Variants in SPOCK1 observed in about 807,000 individuals in gnomAD.
SPOCK1 encodes the protein testican-1.
In SPOCK1, 23 loss-of-function variants were observed where a neutral mutation model predicts 55.3. The ratio of observed to expected loss-of-function variants is 0.42; its 90% CI spans 0.30 to 0.59. SPOCK1 has a LOEUF of 0.59. Among genes scored for constraint, SPOCK1 ranks in the 20% least tolerant of loss-of-function variants. The pLI is 0.22. For synonymous variants in SPOCK1, 226 were observed against 221.0 expected, an observed-to-expected ratio of 1.02 and a Z score of -0.20; for missense variants, 499 against 552.5, an observed-to-expected ratio of 0.90 and a Z score of 0.97.
intron 3 of SPOCK1, among the ~76,000 whole-genome samples, chr5:137,184,995 C>T (rs1041850753): frequency 7.9e-5 from 12 of 152,220 alleles, no homozygotes; most frequent in Admixed American, 3.3e-4. Context: ...CTGTGCAGAA[C>T]TTAACTACGC....
At chr5:137,249,468 C>T (rs555820429) in intron 3 of SPOCK1, among the ~76,000 whole-genome samples, 1 of 152,152 alleles carries the variant, frequency 6.6e-6, no homozygotes, top group South Asian at 2.1e-4. Flanking sequence ...AGATGTATTA[C>T]ATGAAAAGGC....
intron 6 of SPOCK1, among the ~76,000 whole-genome samples, chr5:136,995,695 T>C (rs1377878679): frequency 6.6e-6 from 1 of 152,172 alleles, no homozygotes; most frequent in Non-Finnish European, 1.5e-5. Context: ...GTCAGTCGTG[T>C]TTAACTAAAC....
intron 6 of SPOCK1, among the ~76,000 whole-genome samples, chr5:137,053,444 A>G (rs549742197): frequency 1.3e-5 from 2 of 152,220 alleles, no homozygotes; most frequent in South Asian, 4.2e-4. Flanking sequence ...CCTTGCACCA[A>G]TATTGCCTGT....
chr5:137,243,812 C>G (rs1205351485), intron 3 of SPOCK1, among the ~76,000 whole-genome samples: 1 of 152,126 alleles, frequency 6.6e-6, no homozygotes, highest in Admixed American at 6.5e-5. Flanking sequence ...ACTAATGATT[C>G]CATAACGACT....
chr5:136,977,408 T>C lies in SPOCK1; in HGVS notation c.*1246A>G, dbSNP rs181424060. The C allele has an allele frequency of 4.0e-4, 63 of 159,412 alleles. No individual in the cohort carries two copies. The highest frequency in any genetic ancestry group is 1.5e-3 in the African/African-American group (63 of 41,820). 9.9% of individuals were successfully genotyped at this position (159,412 alleles called of 1,614,324 possible). On this transcript the variant is annotated 3_prime_UTR_variant, in exon 11 of 11. Transcript: ENST00000394945. Reference sequence around the variant, plus strand: ...TTACGATGTTCTTTGTAGGCCTCCATTTGGGATTGAGTGGTTAAAAAAAAA... The same window carrying C: ...TTACGATGTTCTTTGTAGGCCTCCACTTGGGATTGAGTGGTTAAAAAAAAA...
chr5:137,462,473 C>G (rs923650939), intron 2 of SPOCK1, among the ~76,000 whole-genome samples: 4 of 152,184 alleles, frequency 2.6e-5, no homozygotes, highest in Non-Finnish European at 5.9e-5. Context: ...GCAGCTGGAT[C>G]GTGCACTGGC....
intron 2 of SPOCK1, among the ~76,000 whole-genome samples, chr5:137,390,955 AG>A (rs1326857243): frequency 6.6e-6 from 1 of 152,196 alleles, no homozygotes; most frequent in Non-Finnish European, 1.5e-5. Flanking sequence ...TTTGTTACAT[AG>A]GTATACATGT....
intron 2 of SPOCK1, among the ~76,000 whole-genome samples, chr5:137,398,478 T>C (rs1219379908): frequency 1.3e-5 from 2 of 152,276 alleles, no homozygotes; most frequent in South Asian, 4.1e-4. Flanking sequence ...CACGAAAATA[T>C]AGTAACAAGT....
At chr5:137,380,329 T>A (rs903333955) in intron 2 of SPOCK1, among the ~76,000 whole-genome samples, 2 of 152,232 alleles carry the variant, frequency 1.3e-5, no homozygotes, top group African/African-American at 2.4e-5. Flanking sequence ...CAATAGCTTC[T>A]GGGTACATTT....
At chr5:137,001,748 C>G (rs1275232567) in intron 6 of SPOCK1, among the ~76,000 whole-genome samples, 1 of 152,196 alleles carries the variant, frequency 6.6e-6, no homozygotes, top group Non-Finnish European at 1.5e-5. Flanking sequence ...CAGGCAGCCA[C>G]TATTTCTTCT....
At chr5:137,419,385 C>T (rs376648936) in intron 2 of SPOCK1, among the ~76,000 whole-genome samples, 1 of 152,142 alleles carries the variant, frequency 6.6e-6, no homozygotes, top group Non-Finnish European at 1.5e-5. Flanking sequence ...TATAAATTAC[C>T]TTGGGCAGTA....
intron 2 of SPOCK1, among the ~76,000 whole-genome samples, chr5:137,416,294 GAA>G (rs35889581): frequency 0.011 from 1,626 of 144,584 alleles, 32 homozygotes; most frequent in African/African-American, 0.039. Context: ...CCTCCCCTCT[GAA>G]AAAAAAAAAT....
At chr5:137,389,981 G>T (rs956149887) in intron 2 of SPOCK1, among the ~76,000 whole-genome samples, 2 of 152,100 alleles carry the variant, frequency 1.3e-5, no homozygotes, top group Non-Finnish European at 2.9e-5. Context: ...GTCCACTCTG[G>T]TCCATGTATG....
At chr5:137,493,701 C>T (rs1315337546) in intron 2 of SPOCK1, among the ~76,000 whole-genome samples, 1 of 152,200 alleles carries the variant, frequency 6.6e-6, no homozygotes, top group African/African-American at 2.4e-5. Context: ...TCATTTAAGT[C>T]TCCTTGAACC....
chr5:137,073,203 C>A (rs1752650785), intron 5 of SPOCK1, among the ~76,000 whole-genome samples: 1 of 152,132 alleles, frequency 6.6e-6, no homozygotes, highest in South Asian at 2.1e-4. Flanking sequence ...AGGTGTAGAA[C>A]CAATGGGACA....
intron 4 of SPOCK1, among the ~76,000 whole-genome samples, chr5:137,135,842 T>A (rs1396984371): frequency 1.3e-5 from 2 of 152,248 alleles, no homozygotes; most frequent in Non-Finnish European, 2.9e-5. Flanking sequence ...TATTGCTGAA[T>A]AGTAATCCAT....
chr5:137,180,272 A>G (rs1754944957), intron 3 of SPOCK1, among the ~76,000 whole-genome samples: 1 of 151,948 alleles, frequency 6.6e-6, no homozygotes. Context: ...AAAAAGATGC[A>G]CATGTAAGAT....
At chr5:137,278,263 G>A (rs1352817848) in intron 2 of SPOCK1, among the ~76,000 whole-genome samples, 3 of 152,168 alleles carry the variant, frequency 2.0e-5, no homozygotes, top group Non-Finnish European at 2.9e-5. Context: ...CACAGCAGAC[G>A]CTCCTCACCA....
At chr5:137,311,517 G>A (rs1265503179) in intron 2 of SPOCK1, among the ~76,000 whole-genome samples, 1 of 152,172 alleles carries the variant, frequency 6.6e-6, no homozygotes, top group Admixed American at 6.5e-5. Context: ...TTAAACCTCA[G>A]TTTCTTCATC....
Sources: allele counts gnomAD v4.1 joint callset (sites outside exome capture counted in the v4.1 genomes callset), GRCh38; gene constraint gnomAD v4.1.1; transcripts MANE v1.5; gene names NCBI Gene and HGNC (gene_info 2026-07-23, HGNC 2026-07-21).